PPP3CC: variants seen among roughly 807,000 people sequenced by gnomAD.
The protein encoded by PPP3CC is serine/threonine-protein phosphatase 2B catalytic subunit gamma isoform.
In PPP3CC, 35 loss-of-function variants were observed where a neutral mutation model predicts 60.3. That is an observed-to-expected ratio of 0.58 (90% confidence interval 0.44 to 0.77). The LOEUF (loss-of-function observed/expected upper bound fraction) is 0.77. PPP3CC is among the 30% of genes least tolerant of loss of function. PPP3CC has a pLI of 0.00. For missense variants in PPP3CC, 570 were observed against 628.9 expected (o/e 0.91, Z 1.00); for synonymous variants, 206 against 224.3 (o/e 0.92, Z 0.73).
chr8:22,540,351 A>G (rs1354810149), intron 13 of PPP3CC, among the ~76,000 whole-genome samples: 1 of 152,166 alleles, frequency 6.6e-6, no homozygotes, highest in African/African-American at 2.4e-5. Context: ...TTTGTTAGGT[A>G]TATGTCTACC....
chr8:22,461,512 A>T (rs775648069), intron 1 of PPP3CC, among the ~76,000 whole-genome samples: 178 of 152,340 alleles, frequency 1.2e-3, no homozygotes, highest in Non-Finnish European at 2.1e-3. Context: ...ATAGTAGAAT[A>T]ACATGGCATA....
At chr8:22,504,714 C>G (rs963360576) in intron 4 of PPP3CC, among the ~76,000 whole-genome samples, 1 of 144,330 alleles carries the variant, frequency 6.9e-6, no homozygotes, top group African/African-American at 2.6e-5. Context: ...CTCCCTCCCT[C>G]CCTCCCTCCC....
At chr8:22,526,755 G>A (rs574656825) in intron 8 of PPP3CC, among the ~76,000 whole-genome samples, 142 of 152,318 alleles carry the variant, frequency 9.3e-4, no homozygotes, top group Non-Finnish European at 1.7e-3. Flanking sequence ...GTATGTGTGC[G>A]ACTATCTGAA....
At position 22,540,799 on chromosome 8, in the gene PPP3CC, A is replaced by G. The variant is rs767661412; in HGVS notation, c.1536A>G (p.Ser512=). 1 of 1,609,316 alleles carries G rather than the reference A, an allele frequency of 6.2e-7. No individual in the cohort carries two copies. The highest frequency in any genetic ancestry group is 1.1e-5 in the South Asian group (1 of 90,564). ...GCGACCAAGGGAAGAAAGCCCATTC[A>G]TGACTTAGAGTCCTGCCGTGGCTCA... The part of the protein sequence containing the change: ...HRSDQGKKAH[S] The change falls in exon 14 of 14, where the codon TCA becomes TCG. Residue 512 remains serine, a synonymous_variant. Transcript: ENST00000240139.
rs190744953 is a variant in PPP3CC at position 22,514,650 on chromosome 8, T to G, written c.770+1218T>G. Among the ~76,000 whole-genome samples, 1,211 of 151,636 alleles carry G rather than the reference T, an allele frequency of 8.0e-3. 16 individuals carry two copies. The highest frequency in any genetic ancestry group is 0.026 in the African/African-American group (1,057 of 41,352). ...TACAAACAATCCAATTATTACTCTT[T>G]TATTTATTTTATTTTTTGTTGTTTT... On this transcript the variant is annotated intron_variant, in intron 6 of 13. Transcript: ENST00000240139.
intron 3 of PPP3CC, among the ~76,000 whole-genome samples, chr8:22,494,825 T>C (rs1838515145): frequency 6.6e-6 from 1 of 152,222 alleles, no homozygotes; most frequent in Admixed American, 6.5e-5. Flanking sequence ...GTAACCAATC[T>C]CTTCAGTTTC....
At chr8:22,522,147 AC>A (rs987709134) in intron 6 of PPP3CC, among the ~76,000 whole-genome samples, 2 of 151,946 alleles carry the variant, frequency 1.3e-5, no homozygotes, top group Non-Finnish European at 2.9e-5. Context: ...ACGCACACAC[AC>A]ACACACACAC....
At chr8:22,479,133 A>AT (rs981842669) in intron 3 of PPP3CC, among the ~76,000 whole-genome samples, 1 of 152,110 alleles carries the variant, frequency 6.6e-6, no homozygotes, top group Non-Finnish European at 1.5e-5. Flanking sequence ...TTGAAAAATA[A>AT]TTTTTTAATA....
At chr8:22,514,167 G>A (rs1302104390) in intron 6 of PPP3CC, among the ~76,000 whole-genome samples, 1 of 145,894 alleles carries the variant, frequency 6.9e-6, no homozygotes, top group Admixed American at 7.1e-5. Context: ...AGAATCACTT[G>A]AACCTGGGAG....
chr8:22,493,174 T>C, intron 3 of PPP3CC: 2 of 1,237,970 alleles, frequency 1.6e-6, no homozygotes, highest in African/African-American at 1.5e-5. Flanking sequence ...CTATTTTATA[T>C]TATGACTGCT....
rs547534930 is a variant in PPP3CC at position 22,471,573 on chromosome 8, T to C, written c.50-3381T>C. Among the ~76,000 whole-genome samples, 5 of 152,322 alleles carry C rather than the reference T, an allele frequency of 3.3e-5. No individual in the cohort carries two copies. In the South Asian group the frequency reaches 1.0e-3, roughly 32 times the overall value. ...CTGTACTGGATACTGTAGGCAGTTA[T>C]AACACAGTGCTAAGTATTTGAGTAT... is the stretch of plus-strand genomic sequence containing the variant. On this transcript the variant is annotated intron_variant, in intron 1 of 13. Transcript: ENST00000240139.
At chr8:22,519,317 G>T (rs1024127866) in intron 6 of PPP3CC, among the ~76,000 whole-genome samples, 4 of 152,130 alleles carry the variant, frequency 2.6e-5, no homozygotes, top group African/African-American at 4.8e-5. Context: ...GTTGGGTCTT[G>T]TTTTCATCCA....
chr8:22,501,775 C>G (rs772364728), intron 4 of PPP3CC, among the ~76,000 whole-genome samples: 13 of 152,102 alleles, frequency 8.5e-5, no homozygotes, highest in Admixed American at 6.5e-4. Flanking sequence ...CTTTGGGATG[C>G]CAAAGGGGAG....
At chr8:22,534,196 C>CAA (rs35668611) in intron 12 of PPP3CC, among the ~76,000 whole-genome samples, 8,829 of 114,762 alleles carry the variant, frequency 0.077, 378 homozygotes, top group South Asian at 0.13. Context: ...AAGACTGTTT[C>CAA]AAAAAAAAAA....
chr8:22,482,169 A>G (rs1174519660), intron 3 of PPP3CC, among the ~76,000 whole-genome samples: 4 of 152,112 alleles, frequency 2.6e-5, no homozygotes, highest in African/African-American at 4.8e-5. Context: ...AAGCATTCCT[A>G]TTTCTCCACA....
In PPP3CC at chr8:22,510,786, A is replaced by G. The variant is rs77571814; in HGVS notation, c.485-300A>G. 9.2e-4 allele frequency: 253 copies of G among 274,482 alleles called. 7 individuals carry two copies. In the East Asian group the frequency reaches 0.017, roughly 18 times the overall value. 17.0% of individuals were successfully genotyped at this position (274,482 alleles called of 1,614,324 possible). A position where few individuals can be genotyped will look rare whatever the true frequency, so the allele number is the denominator to read the frequency against. On this transcript the variant is annotated intron_variant, in intron 4 of 13. Transcript: ENST00000240139. The stretch of plus-strand genomic sequence containing the variant: ...CCAAAGCTATAGCTTCCCACCAGGT[A>G]ACTGGGTAATTTTTACCACAAGCCA...
intron 12 of PPP3CC, among the ~76,000 whole-genome samples, chr8:22,533,270 C>G (rs1839766436): frequency 6.6e-6 from 1 of 152,126 alleles, no homozygotes; most frequent in South Asian, 2.1e-4. Flanking sequence ...CTGGGGTAGA[C>G]AGAGTCCTTA....
intron 6 of PPP3CC, among the ~76,000 whole-genome samples, chr8:22,517,194 C>A (rs1294664708): frequency 5.3e-5 from 8 of 152,192 alleles, no homozygotes; most frequent in Non-Finnish European, 1.5e-5. Flanking sequence ...GATACTCTGC[C>A]TTCTTTTATC....
At chr8:22,482,139 C>T (rs1249710767) in intron 3 of PPP3CC, among the ~76,000 whole-genome samples, 1 of 152,192 alleles carries the variant, frequency 6.6e-6, no homozygotes, top group African/African-American at 2.4e-5. Context: ...AACTAATTTA[C>T]ACTCCCACCA....
Sources: allele counts gnomAD v4.1 joint callset (sites outside exome capture counted in the v4.1 genomes callset), GRCh38; gene constraint gnomAD v4.1.1; transcripts MANE v1.5; gene names NCBI Gene and HGNC (gene_info 2026-07-23, HGNC 2026-07-21).